The following ANKRD26 variants were observed in gnomAD, a reference collection of about 807,000 sequenced individuals.
The protein encoded by ANKRD26 is ankyrin repeat domain-containing protein 26.
In ANKRD26, 141 loss-of-function variants were observed where a neutral mutation model predicts 208.7. The ratio of observed to expected loss-of-function variants is 0.68; its 90% CI spans 0.59 to 0.78. ANKRD26 has a LOEUF of 0.78. Among genes scored for constraint, ANKRD26 ranks in the 30% least tolerant of loss-of-function variants. The probability of loss-of-function intolerance (pLI) is 0.00; values close to 1 mark genes in which losing one functional copy is unlikely to be tolerated. For missense variants in ANKRD26, 1,889 were observed against 1,938.7 expected, an observed-to-expected ratio of 0.97 and a Z score of 0.48; for synonymous variants, 636 against 660.4, an observed-to-expected ratio of 0.96 and a Z score of 0.57.
intron 10 of ANKRD26, among the ~76,000 whole-genome samples, 178 bp downstream of exon 10, chr10:27,066,979 G>A (rs1395829714): frequency 6.6e-6 from 1 of 151,980 alleles, no homozygotes; most frequent in Non-Finnish European, 1.5e-5. Context: ...GCTAATGTTT[G>A]TATTTTTAGT....
intron 4 of ANKRD26, among the ~76,000 whole-genome samples, chr10:26,997,898 C>T (rs1386099714): frequency 1.3e-5 from 2 of 152,220 alleles, no homozygotes; most frequent in Admixed American, 6.5e-5. Flanking sequence ...TTGGGGCCTT[C>T]ACAGCATCCA....
At chr10:27,099,104 C>A in intron 1 of ANKRD26, among the ~76,000 whole-genome samples, 1 of 152,130 alleles carries the variant, frequency 6.6e-6, no homozygotes, top group Non-Finnish European at 1.5e-5. Context: ...GATTCTCCTG[C>A]CTCAGTCTTC....
At chr10:26,958,006 T>A in the ANKRD26 span, among the ~76,000 whole-genome samples, 1 of 151,786 alleles carries the variant, frequency 6.6e-6, no homozygotes, top group Non-Finnish European at 1.5e-5. Flanking sequence ...GCAGGATGTG[T>A]AGGTTTGCTA....
intron 9 of ANKRD26, among the ~76,000 whole-genome samples, chr10:27,068,429 G>A (rs1259518646): frequency 1.3e-5 from 2 of 152,104 alleles, no homozygotes; most frequent in African/African-American, 4.8e-5. Flanking sequence ...CCCAGTCTGG[G>A]GTATTTCTTT....
chr10:27,065,839 C>A (rs753235996), intron 11 of ANKRD26, among the ~76,000 whole-genome samples: 1 of 146,262 alleles, frequency 6.8e-6, no homozygotes, highest in Non-Finnish European at 1.5e-5. Flanking sequence ...TGGCCATAGG[C>A]TAACCTGAAA....
At chr10:27,093,616 T>G (rs2056371358) in intron 2 of ANKRD26, 69 bp downstream of exon 2, 2 of 1,595,368 alleles carry the variant, frequency 1.3e-6, no homozygotes, top group Admixed American at 1.7e-5. Context: ...TTTAATGAGA[T>G]AAATTCATTT....
intron 28 of ANKRD26, among the ~76,000 whole-genome samples, chr10:27,023,880 T>G (rs1041250295): frequency 6.6e-6 from 1 of 152,040 alleles, no homozygotes; most frequent in African/African-American, 2.4e-5. Flanking sequence ...GAGGCATATA[T>G]GTTTTAAAAC....
At chr10:26,971,434 G>T (rs2052140821), downstream of ANKRD26, among the ~76,000 whole-genome samples, 1 of 151,976 alleles carries the variant, frequency 6.6e-6, no homozygotes. Flanking sequence ...CAGCACTTTG[G>T]GAGGCTGAGG....
chr10:27,096,458 C>T (rs967630878), intron 1 of ANKRD26, among the ~76,000 whole-genome samples: 1 of 151,224 alleles, frequency 6.6e-6, no homozygotes, highest in African/African-American at 2.4e-5. Flanking sequence ...GAAGTAAAAT[C>T]CTCACTTCAA....
intron 28 of ANKRD26, among the ~76,000 whole-genome samples, chr10:27,023,603 A>T (rs2053563105): frequency 6.6e-6 from 1 of 152,200 alleles, no homozygotes; most frequent in Non-Finnish European, 1.5e-5. Context: ...GTATAAAGAC[A>T]CAAAGGCTGC....
At chr10:27,060,651 TTA>T (rs2055022180) in intron 13 of ANKRD26, 111 bp from the exon 14 acceptor site, 1 of 861,028 alleles carries the variant, frequency 1.2e-6, no homozygotes, top group African/African-American at 1.7e-5. Context: ...TTGAAAATGA[TTA>T]TGTTAATTTT....
At chr10:26,993,413 C>T (rs1465590449) in intron 5 of ANKRD26, among the ~76,000 whole-genome samples, 1 of 152,208 alleles carries the variant, frequency 6.6e-6, no homozygotes, top group Non-Finnish European at 1.5e-5. Flanking sequence ...TGGACTGTTT[C>T]ACCATTGGCC....
intron 4 of ANKRD26, 126 bp from the exon 5 acceptor site, chr10:27,086,735 C>T (rs2056128104): frequency 5.6e-6 from 5 of 896,604 alleles, no homozygotes; most frequent in Middle Eastern, 4.0e-4. Flanking sequence ...TTATCCCATA[C>T]ACTTCAAATA....
chr10:27,066,674 CA>C, intron 10 of ANKRD26, 126 bp from the exon 11 acceptor site: 2 of 621,448 alleles, frequency 3.2e-6, no homozygotes, highest in East Asian at 3.2e-5. Context: ...AAAATAATAG[CA>C]AAAAAAGAAT....
chr10:27,057,932 T>A (rs1266166148), intron 15 of ANKRD26, among the ~76,000 whole-genome samples: 1 of 141,256 alleles, frequency 7.1e-6, no homozygotes. Flanking sequence ...CGAGACTCCA[T>A]CTCAAAAAAA....
chr10:27,038,074 T>C lies in ANKRD26; in HGVS notation c.2376-20A>G, dbSNP rs199516596. Reference sequence around the variant, plus strand: ...CTAAATCTGCAGTTAAATATGTTTATCTTAAAATCTGTATTGTTACAAAAT... The same window carrying C: ...CTAAATCTGCAGTTAAATATGTTTACCTTAAAATCTGTATTGTTACAAAAT... On this transcript the variant is annotated intron_variant, in intron 21 of 33. Transcript: ENST00000376087. The C allele has an allele frequency of 6.3e-7, 1 of 1,584,728 alleles. No homozygotes were observed. The highest frequency in any genetic ancestry group is 2.2e-5 in the East Asian group (1 of 44,552).
At chr10:26,953,320 G>A in the ANKRD26 span, among the ~76,000 whole-genome samples, 2 of 152,180 alleles carry the variant, frequency 1.3e-5, no homozygotes, top group African/African-American at 4.8e-5. Context: ...CTACTCAGGA[G>A]GCTGAGGCAG....
intron 9 of ANKRD26, among the ~76,000 whole-genome samples, chr10:27,072,973 A>G (rs2055560208): frequency 6.6e-6 from 1 of 152,150 alleles, no homozygotes; most frequent in Non-Finnish European, 1.5e-5. Flanking sequence ...CCTTGCAGAC[A>G]TTCCCCAGCA....
chr10:27,009,202 C>T (rs1323453087), intron 32 of ANKRD26, among the ~76,000 whole-genome samples: 2 of 152,038 alleles, frequency 1.3e-5, no homozygotes, highest in Non-Finnish European at 2.9e-5. Flanking sequence ...AAAAGGACAC[C>T]AGGTCAGACA....
Sources: gnomAD v4.1 joint callset for allele counts (sites outside exome capture counted in the v4.1 genomes callset) on GRCh38, gnomAD v4.1.1 for gene constraint, MANE v1.5 for transcripts, NCBI Gene and HGNC (gene_info 2026-07-23, HGNC 2026-07-21) for gene names.